Variants in CNTN4 observed in about 807,000 individuals in gnomAD.
The protein encoded by CNTN4 is contactin-4.
Under a neutral mutation model 122.5 loss-of-function variants are expected in CNTN4, and 77 were observed. That is an observed-to-expected ratio of 0.63 (90% CI 0.52 to 0.76). CNTN4 has a LOEUF of 0.76. CNTN4 is among the 30% of genes least tolerant of loss of function. The pLI is 0.00. For synonymous variants in CNTN4, 512 were observed against 447.0 expected (o/e 1.15, Z -1.83); for missense variants, 1,256 against 1,259.1 (o/e 1.00, Z 0.04).
chr3:3,003,830 G>A (rs569666969), intron 14 of CNTN4, among the ~76,000 whole-genome samples: 2 of 151,784 alleles, frequency 1.3e-5, no homozygotes, highest in East Asian at 3.9e-4. Flanking sequence ...GCTCACTGCA[G>A]CCTTGACCTC....
chr3:2,777,768 T>G lies in CNTN4; in HGVS notation c.358+32071T>G, dbSNP rs567086123. Among the ~76,000 whole-genome samples the G allele has an allele frequency of 2.6e-5, 4 of 152,364 alleles. No individual in the cohort carries two copies. The South Asian group carries it at 8.3e-4, about 32-fold the overall frequency. On this transcript the variant is annotated intron_variant, in intron 6 of 24. Coordinates refer to ENST00000418658, the MANE Select transcript of CNTN4 (RefSeq NM_175607.3). ...AATTCTTTCCAATATGGCCAGCATA[T>G]TTCTCCAAACATGCATAACCAAATA... is the stretch of plus-strand genomic sequence containing the variant.
At chr3:2,698,661 CAT>C (rs1398721165) in intron 4 of CNTN4, among the ~76,000 whole-genome samples, 1 of 152,132 alleles carries the variant, frequency 6.6e-6, no homozygotes, top group African/African-American at 2.4e-5. Flanking sequence ...CTCCTGGCCT[CAT>C]ATCTATTTCA....
rs1438721429 is a variant in CNTN4 at position 2,709,739 on chromosome 3, C to T, written c.56-26476C>T. Among the ~76,000 whole-genome samples, 3 of 151,874 alleles carry T rather than the reference C, an allele frequency of 2.0e-5. No homozygotes were observed. The highest frequency in any genetic ancestry group is 4.4e-5 in the Non-Finnish European group (3 of 67,952). On this transcript the variant is annotated intron_variant, in intron 4 of 24. Coordinates refer to ENST00000418658, the MANE Select transcript of CNTN4 (RefSeq NM_175607.3). The surrounding 1 kb of genome is among the most constrained non-coding windows in gnomAD (Gnocchi z 5.0). ...AATCAGCCTGGCCAACATGGTGAAA[C>T]CCTCTCTCTACTAAAAATACAAAAA...
intron 3 of CNTN4, among the ~76,000 whole-genome samples, chr3:2,563,621 A>G (rs913589824): frequency 6.6e-6 from 1 of 152,172 alleles, no homozygotes; most frequent in Non-Finnish European, 1.5e-5. Context: ...CATAAGCTTC[A>G]TATGTATGGA....
chr3:2,310,164 G>T (rs1145053), intron 2 of CNTN4, among the ~76,000 whole-genome samples: 2 of 152,058 alleles, frequency 1.3e-5, no homozygotes, highest in African/African-American at 2.4e-5. Flanking sequence ...GAGACATTAC[G>T]ATAAGGGGAA....
At chr3:2,293,970 C>T (rs2042218882) in intron 2 of CNTN4, among the ~76,000 whole-genome samples, 1 of 152,180 alleles carries the variant, frequency 6.6e-6, no homozygotes. Context: ...TTACCCTGGT[C>T]TTGAATGCAT....
At chr3:2,771,435 A>G (rs2091095863) in intron 6 of CNTN4, among the ~76,000 whole-genome samples, 1 of 152,220 alleles carries the variant, frequency 6.6e-6, no homozygotes, top group Non-Finnish European at 1.5e-5. Context: ...AATTACCCAC[A>G]CTATTTACAT....
Position 2,448,543 on chromosome 3 carries a change from T to C in CNTN4, c.-89+109310T>C, listed in dbSNP as rs1412060875. Among the ~76,000 whole-genome samples the C allele has an allele frequency of 7.9e-5, 12 of 152,234 alleles. No individual in the cohort carries two copies. The South Asian group carries it at 2.3e-3, about 29-fold the overall frequency. On this transcript the variant is annotated intron_variant, in intron 3 of 24. Coordinates refer to ENST00000418658, the MANE Select transcript of CNTN4 (RefSeq NM_175607.3). ...ATCTAAATTGAACACTCGAAAGCTA[T>C]CGGAAGGTTGGTCGAGGGCATGAAG...
At chr3:2,348,968 C>G (rs928964146) in intron 3 of CNTN4, among the ~76,000 whole-genome samples, 1 of 152,160 alleles carries the variant, frequency 6.6e-6, no homozygotes, top group African/African-American at 2.4e-5. Context: ...ATTCTCTTCT[C>G]CAAGCTAAGC....
At chr3:2,980,665 GGAGT>G (rs1432361482) in intron 13 of CNTN4, among the ~76,000 whole-genome samples, 2 of 152,180 alleles carry the variant, frequency 1.3e-5, no homozygotes, top group African/African-American at 2.4e-5. Context: ...GCACACACAA[GGAGT>G]GAGTTTAGAG....
At chr3:2,560,592 C>T (rs995966839) in intron 3 of CNTN4, among the ~76,000 whole-genome samples, 7 of 152,162 alleles carry the variant, frequency 4.6e-5, no homozygotes, top group Non-Finnish European at 7.4e-5. Flanking sequence ...TCAGTATCTC[C>T]GTTTTATGGA....
chr3:2,487,383 C>A lies in CNTN4; in HGVS notation c.-88-84033C>A, dbSNP rs1302247861. Among the ~76,000 whole-genome samples the A allele has an allele frequency of 2.0e-5, 3 of 152,270 alleles. No homozygotes were observed. In the East Asian group the frequency reaches 5.8e-4, roughly 29 times the overall value. On this transcript the variant is annotated intron_variant, in intron 3 of 24. Coordinates refer to ENST00000418658, the MANE Select transcript of CNTN4 (RefSeq NM_175607.3). Reference sequence around the variant, plus strand: ...AACAAGAAGGAAAGCCACCTTTTGTCCAGCAACCAAACTTCCCTTCCCTCC... The same window carrying A: ...AACAAGAAGGAAAGCCACCTTTTGTACAGCAACCAAACTTCCCTTCCCTCC...
At chr3:2,255,623 G>A (rs1269459572) in intron 2 of CNTN4, among the ~76,000 whole-genome samples, 3 of 152,108 alleles carry the variant, frequency 2.0e-5, no homozygotes, top group Non-Finnish European at 4.4e-5. Flanking sequence ...TAGAACTCAG[G>A]ATTAAGAAAC....
rs1280256446 is a variant in CNTN4, at chr3:2,423,926, C to T, written c.-89+84693C>T. Among the ~76,000 whole-genome samples the T allele has an allele frequency of 2.9e-3, 179 of 61,426 alleles. 3 individuals are homozygous for T. Among genetic ancestry groups the T allele is most frequent in the African/African-American group, 0.012 (171 of 14,772 alleles). 40.3% of individuals were successfully genotyped at this position (61,426 alleles called of 152,430 possible). ...GGAAAAGGAATATCACACACCAGGG[C>T]CTGCTGTGGGGTGGAGGGAGGGGGT... On this transcript the variant is annotated intron_variant, in intron 3 of 24. Transcript: ENST00000418658.
At chr3:2,312,307 C>G (rs538821518) in intron 2 of CNTN4, among the ~76,000 whole-genome samples, 2 of 152,130 alleles carry the variant, frequency 1.3e-5, no homozygotes, top group East Asian at 3.9e-4. Context: ...GTGGAGATTT[C>G]AGAAATGTTT....
intron 2 of CNTN4, chr3:2,262,405 A>T (rs1007154084): frequency 5.3e-5 from 8 of 152,134 alleles, no homozygotes; most frequent in Admixed American, 5.2e-4. Context: ...AACTTTACTT[A>T]AGGGAATAAA....
In CNTN4 at chr3:2,124,388, G is replaced by A. The variant is rs183790060; in HGVS notation, c.-145+23749G>A. Among the ~76,000 whole-genome samples the A allele has an allele frequency of 3.3e-3, 499 of 150,308 alleles. 2 individuals are homozygous for A. The highest frequency in any genetic ancestry group is 0.011 in the African/African-American group (457 of 40,898). ...CAGATAGAGGATTCTTTTATCTTTGGGGTCATGCATTTTTAAAAGCCTTTG... is the reference window on the plus strand; with the variant it reads ...CAGATAGAGGATTCTTTTATCTTTGAGGTCATGCATTTTTAAAAGCCTTTG... On this transcript the variant is annotated intron_variant, in intron 2 of 24. Coordinates refer to ENST00000418658, the MANE Select transcript of CNTN4 (RefSeq NM_175607.3).
At chr3:2,407,063 A>G (rs541490433) in intron 3 of CNTN4, among the ~76,000 whole-genome samples, 4 of 152,326 alleles carry the variant, frequency 2.6e-5, no homozygotes, top group African/African-American at 9.6e-5. Context: ...CATGCAAGAT[A>G]TCTTTCTTCG....
At chr3:2,905,974 A>G (rs1007812356) in intron 12 of CNTN4, among the ~76,000 whole-genome samples, 1 of 152,246 alleles carries the variant, frequency 6.6e-6, no homozygotes, top group Non-Finnish European at 1.5e-5. Flanking sequence ...AACATTTGGT[A>G]TATGTGAACA....
Sources: gnomAD v4.1 joint callset for allele counts (sites outside exome capture counted in the v4.1 genomes callset) on GRCh38, gnomAD v4.1.1 for gene constraint, Gnocchi (gnomAD v3.1) non-coding constraint, MANE v1.5 for transcripts, NCBI Gene and HGNC (gene_info 2026-07-23, HGNC 2026-07-21) for gene names.